Variants in FKBP10 observed in about 807,000 individuals in gnomAD.
FKBP10 encodes FKBP prolyl isomerase 10.
In FKBP10, 34 loss-of-function variants were observed where a neutral mutation model predicts 53.7. That is an observed-to-expected ratio of 0.63 (90% CI 0.48 to 0.84). The LOEUF (loss-of-function observed/expected upper bound fraction) is 0.84, where lower values mean the gene tolerates loss of function less well. Among genes scored for constraint, FKBP10 ranks in the 40% least tolerant of loss-of-function variants. FKBP10 has a pLI of 0.00. For missense variants in FKBP10, 748 were observed against 797.8 expected, an observed-to-expected ratio of 0.94 and a Z score of 0.75; for synonymous variants, 324 against 335.7, an observed-to-expected ratio of 0.97 and a Z score of 0.38.
rs782139799 is a variant in FKBP10, at chr17:41,819,584, C to A, written c.972C>A (p.Pro324=). ...ATATCGGGCAGGGTTACATCATCCC[C>A]GGGATGGACCAGGGGCTGCAGGGTG... ...NTYIGQGYII[P]GMDQGLQGAC... is the part of the protein sequence containing the mutation. Residue 324 remains proline, a synonymous_variant, in exon 6 of 10, where the codon CCC becomes CCA. Transcript: ENST00000321562. 6.2e-7 allele frequency: 1 copy of A among 1,614,072 alleles called. No homozygotes were observed. The highest frequency in any genetic ancestry group is 8.5e-7 in the Non-Finnish European group (1 of 1,179,996).
At chr17:41,820,642 TG>T (rs1328902413) in intron 7 of FKBP10, 181 bp downstream of exon 7, 2 of 716,494 alleles carry the variant, frequency 2.8e-6, no homozygotes, top group Non-Finnish European at 4.6e-6. Context: ...TGAAATTCTC[TG>T]CTTCGCAGGG....
chr17:41,820,489 G>T, intron 7 of FKBP10, 28 bp downstream of exon 7: 1 of 1,611,260 alleles, frequency 6.2e-7, no homozygotes, highest in Middle Eastern at 1.8e-4. Context: ...CCGGGACTGG[G>T]CAGGTGGGTG....
chr17:41,819,122 T>C, intron 4 of FKBP10, 88 bp from the exon 5 acceptor site: 1 of 1,354,658 alleles, frequency 7.4e-7, no homozygotes, highest in Admixed American at 1.7e-5. Context: ...GCTAGTGTCT[T>C]GCATGGTGCC....
At position 41,822,396 on chromosome 17, in the gene FKBP10, C is replaced by A. The variant is rs1236090682; in HGVS notation, c.1737C>A (p.His579Gln). ...LKSDEDEERV[H>Q]EEL is the part of the protein sequence containing the mutation. ...CAGATGAGGACGAGGAGCGGGTCCA[C>A]GAGGAGCTCTGAGGGGCAGGGAGCC... The change falls in exon 10 of 10, where the codon CAC (histidine) becomes CAA (glutamine). Residue 579 changes from histidine to glutamine, a missense_variant. Coordinates refer to ENST00000321562, the MANE Select transcript of FKBP10 (RefSeq NM_021939.4). 3.1e-6 allele frequency: 5 copies of A among 1,606,352 alleles called. No homozygotes were observed. In the African/African-American group the frequency reaches 5.3e-5, roughly 17 times the overall value.
In FKBP10 at chr17:41,819,688, C is replaced by T. The variant is rs1555616699; in HGVS notation, c.1063+13C>T. On this transcript the variant is annotated intron_variant, in intron 6 of 9. Transcript: ENST00000321562. ...GAGAATGGAACTGGTAGGGGCGTTCCCCAGCCACCACCTCAGCTCCTCCTC... is the reference window on the plus strand; with the variant it reads ...GAGAATGGAACTGGTAGGGGCGTTCTCCAGCCACCACCTCAGCTCCTCCTC... 1 of 1,590,766 alleles carries T rather than the reference C, an allele frequency of 6.3e-7. No individual in the cohort carries two copies. Among genetic ancestry groups the T allele is most frequent in the Admixed American group, 1.7e-5 (1 of 57,414 alleles).
rs1002471264 is a variant in FKBP10, at chr17:41,819,056, C to T, written c.728-154C>T. The T allele has an allele frequency of 2.4e-5, 18 of 749,572 alleles. No individual in the cohort carries two copies. The East Asian group carries it at 4.3e-4, about 18-fold the overall frequency. 46.4% of individuals were successfully genotyped at this position (749,572 alleles called of 1,614,324 possible). The stretch of plus-strand genomic sequence containing the variant: ...TGGGGAAAACCCAGCTCAGGTCTTA[C>T]TGGAGGAGCAAGAAGCAGGGCTGCT... On this transcript the variant is annotated intron_variant, in intron 4 of 9. Coordinates refer to ENST00000321562, the MANE Select transcript of FKBP10 (RefSeq NM_021939.4).
rs781818527 is a variant in FKBP10 at position 41,820,476 on chromosome 17, G to C, written c.1256+15G>C. 1.9e-6 allele frequency: 3 copies of C among 1,613,336 alleles called. No individual in the cohort carries two copies. The highest frequency in any genetic ancestry group is 2.2e-5 in the South Asian group (2 of 91,058). ...CTGTTCACCTCGTGGGTCCGGGGGG[G>C]GGCCGGGACTGGGCAGGTGGGTGGG... is the stretch of plus-strand genomic sequence containing the variant. On this transcript the variant is annotated intron_variant, in intron 7 of 9. Transcript: ENST00000321562.
chr17:41,818,974 A>AT, intron 4 of FKBP10: 1 of 519,480 alleles, frequency 1.9e-6, no homozygotes, highest in Non-Finnish European at 3.4e-6. Flanking sequence ...AAAAAAAAAA[A>AT]GAAGGGGTGC....
In FKBP10 at chr17:41,822,928, CCT is replaced by C. The variant is rs2047909877; in HGVS notation, c.*522_*523del. 1 of 193,758 alleles carries C rather than the reference CCT, an allele frequency of 5.2e-6. No individual in the cohort carries two copies. Among genetic ancestry groups the C allele is most frequent in the Admixed American group, 5.3e-5 (1 of 18,844 alleles). 12.0% of individuals were successfully genotyped at this position (193,758 alleles called of 1,614,324 possible). A position where few individuals can be genotyped will look rare whatever the true frequency, so the allele number is the denominator to read the frequency against. ...CTACCTCTCCCATGCCCTTTGCCCT[CCT>C]CCCTCGCCTCCAGTGGAGGCTGAGC... On this transcript the variant is annotated 3_prime_UTR_variant, in exon 10 of 10. Coordinates refer to ENST00000321562, the MANE Select transcript of FKBP10 (RefSeq NM_021939.4).
At chr17:41,820,556 G>A in intron 7 of FKBP10, 95 bp downstream of exon 7, 2 of 1,320,572 alleles carry the variant, frequency 1.5e-6, no homozygotes, top group Admixed American at 1.7e-5. Context: ...CCTCCCTCTT[G>A]GTCCTCGAGC....
In FKBP10 at chr17:41,813,247, C is replaced by T. The variant is rs1555615705; in HGVS notation, c.213C>T (p.Gly71=). 1 of 1,613,834 alleles carries T rather than the reference C, an allele frequency of 6.2e-7. No homozygotes were observed. The part of the protein sequence containing the change: ...MGDFVRYHYN[G]TFEDGKKFDS... ...ATTTTGTGCGCTACCACTACAACGG[C>T]ACTTTTGAAGATGGCAAGAAGTTTG... Residue 71 remains glycine, a synonymous_variant, in exon 1 of 10, where the codon GGC becomes GGT. Transcript: ENST00000321562.
In FKBP10 at chr17:41,819,210, G is replaced by A; in HGVS notation, c.728G>A (p.Gly243Glu). The A allele has an allele frequency of 6.2e-7, 1 of 1,614,056 alleles. No individual in the cohort carries two copies. Among genetic ancestry groups the A allele is most frequent in the South Asian group, 1.1e-5 (1 of 91,082 alleles). ...GGTTCAAGCCCTATCCCTTCCCCAG[G>A]GACAGTGATCCCCCCACAGGCCTCG... Reference protein sequence around the residue: ...PFLAYGEKGYGTVIPPQASLV... With the variant: ...PFLAYGEKGYETVIPPQASLV... The change falls in exon 5 of 10, where the codon GGG becomes GAG. Residue 243 changes from glycine to glutamate, a missense_variant and splice_region_variant. Physicochemically the swap from Gly to Glu is moderately conservative, Grantham distance 98. Coordinates refer to ENST00000321562, the MANE Select transcript of FKBP10 (RefSeq NM_021939.4).
At position 41,822,230 on chromosome 17, in the gene FKBP10, C is replaced by T; in HGVS notation, c.1571C>T (p.Thr524Ile). The T allele has an allele frequency of 1.9e-6, 3 of 1,612,732 alleles. No individual in the cohort carries two copies. The highest frequency in any genetic ancestry group is 2.5e-6 in the Non-Finnish European group (3 of 1,179,436). Residue 524 changes from threonine to isoleucine, a missense_variant, in exon 10 of 10, where the codon ACC becomes ATC. Transcript: ENST00000321562. ...GGCTCTCCCCTGCCCCAGTTCTCCA[C>T]CTTCATCAAGGCTCAAGTGAGTGAG... is the stretch of plus-strand genomic sequence containing the variant. ...DGEVPPEEFS[T>I]FIKAQVSEGK...
In FKBP10 at chr17:41,816,911, G is replaced by T. The variant is rs542501748; in HGVS notation, c.246-147G>T. 58 of 1,184,798 alleles carry T rather than the reference G, an allele frequency of 4.9e-5. No homozygotes were observed. The African/African-American group carries it at 8.4e-4, about 17-fold the overall frequency. The allele number at this position is 1,184,798 out of a possible 1,614,324, so 73.4% of individuals were successfully genotyped here. On this transcript the variant is annotated intron_variant, in intron 1 of 9. Coordinates refer to ENST00000321562, the MANE Select transcript of FKBP10 (RefSeq NM_021939.4). Reference sequence around the variant, plus strand: ...ACCTAGGAGGGGGACTTGAAAAGGAGGTGAGAAGTGTGTGTGCGTATCCAC... The same window carrying T: ...ACCTAGGAGGGGGACTTGAAAAGGATGTGAGAAGTGTGTGTGCGTATCCAC...
chr17:41,820,740 G>A (rs181055343), intron 7 of FKBP10: 9 of 735,960 alleles, frequency 1.2e-5, no homozygotes, highest in East Asian at 5.4e-5. Context: ...ATGAGCCCTC[G>A]AGGCCACACT....
chr17:41,821,664 C>T lies in FKBP10; in HGVS notation c.1410C>T (p.Val470=). ...LAHGESGARG[V]PGSAVLLFEV... ...CTGCCCTCCCTCCAGCCCGGGGAGT[C>T]CCAGGCAGTGCTGTGCTGCTGTTTG... The change falls in exon 9 of 10, where the codon GTC becomes GTT. Residue 470 remains valine, a synonymous_variant. Transcript: ENST00000321562. The T allele has an allele frequency of 1.2e-6, 2 of 1,613,938 alleles. No homozygotes were observed. The highest frequency in any genetic ancestry group is 2.2e-5 in the South Asian group (2 of 91,078).
Position 41,813,038 on chromosome 17 carries a change from T to A in FKBP10, c.4T>A (p.Phe2Ile), listed in dbSNP as rs370772194. 5.0e-5 allele frequency: 80 copies of A among 1,609,524 alleles called. No individual in the cohort carries two copies. The highest frequency in any genetic ancestry group is 6.6e-5 in the Non-Finnish European group (78 of 1,179,472). Reference protein sequence around the residue: MFPAGPPSHSLL... With the variant: MIPAGPPSHSLL... ...GGCGGTCCCAACTCCAGGCACCATG[T>A]TCCCCGCGGGCCCCCCCAGCCACAG... Residue 2 changes from phenylalanine (F) to isoleucine (I), a missense_variant, in exon 1 of 10, where the codon TTC (phenylalanine) becomes ATC (isoleucine). Phe to Ile is a conservative substitution (Grantham distance 21). Coordinates refer to ENST00000321562, the MANE Select transcript of FKBP10 (RefSeq NM_021939.4).
intron 1 of FKBP10, among the ~76,000 whole-genome samples, chr17:41,813,852 G>T (rs1391784064): frequency 1.4e-5 from 2 of 147,606 alleles, no homozygotes; most frequent in East Asian, 3.9e-4. Flanking sequence ...GGCTCCCTGC[G>T]GAGGCCCTGT....
At chr17:41,815,314 G>A (rs928802325) in intron 1 of FKBP10, among the ~76,000 whole-genome samples, 2 of 151,940 alleles carry the variant, frequency 1.3e-5, no homozygotes, top group African/African-American at 2.4e-5. Context: ...AAGCCACGGC[G>A]CCCAGCCTTA....
Sources: gnomAD v4.1 joint callset for allele counts (sites outside exome capture counted in the v4.1 genomes callset) on GRCh38, gnomAD v4.1.1 for gene constraint, MANE v1.5 for transcripts, NCBI Gene and HGNC (gene_info 2026-07-23, HGNC 2026-07-21) for gene names.